Variants in TAFA1 observed in about 807,000 individuals in gnomAD.
TAFA1 encodes chemokine-like protein TAFA-1.
Under a neutral mutation model 18.5 loss-of-function variants are expected in TAFA1, and 4 were observed. That is an observed-to-expected ratio of 0.22 (90% CI 0.11 to 0.49). The LOEUF is 0.49. Among genes scored for constraint, TAFA1 ranks in the 20% least tolerant of loss-of-function variants. The pLI, the probability that TAFA1 is intolerant of heterozygous loss-of-function variation, is 0.98. For missense variants in TAFA1, 147 were observed against 169.0 expected, an observed-to-expected ratio of 0.87 and a Z score of 0.72; for synonymous variants, 56 against 55.2, an observed-to-expected ratio of 1.01 and a Z score of -0.06.
chr3:68,305,212 G>A (rs2068381270), intron 2 of TAFA1, among the ~76,000 whole-genome samples: 1 of 148,320 alleles, frequency 6.7e-6, no homozygotes, highest in Non-Finnish European at 1.5e-5. Context: ...TTGTCACATG[G>A]TGTTTTTCCC....
intron 2 of TAFA1, among the ~76,000 whole-genome samples, chr3:68,162,572 C>T (rs563053592): frequency 6.6e-6 from 1 of 152,276 alleles, no homozygotes; most frequent in South Asian, 2.1e-4. Flanking sequence ...ATTTTTTCTA[C>T]CATAACTGGT....
At chr3:68,326,932 G>T (rs2068785145) in intron 2 of TAFA1, among the ~76,000 whole-genome samples, 1 of 152,174 alleles carries the variant, frequency 6.6e-6, no homozygotes, top group Non-Finnish European at 1.5e-5. Flanking sequence ...AAATGGTTTG[G>T]CTGTGTCCCC....
At chr3:68,533,043 C>T (rs1193834334) in intron 3 of TAFA1, among the ~76,000 whole-genome samples, 7 of 142,174 alleles carry the variant, frequency 4.9e-5, no homozygotes, top group South Asian at 4.5e-4. Flanking sequence ...TCGAGGGCTT[C>T]AGTATTTAAA....
intron 2 of TAFA1, among the ~76,000 whole-genome samples, chr3:68,337,307 A>T (rs1299531071): frequency 1.3e-5 from 2 of 151,888 alleles, no homozygotes; most frequent in African/African-American, 2.4e-5. Context: ...GGGCAGGGGG[A>T]GCGGGGGTGG....
intron 2 of TAFA1, among the ~76,000 whole-genome samples, chr3:68,254,451 A>G (rs1324593649): frequency 6.6e-6 from 1 of 152,074 alleles, no homozygotes; most frequent in African/African-American, 2.4e-5. Context: ...AGACTTTTTT[A>G]AACCTGGAAG....
In TAFA1 at chr3:68,098,184, G is replaced by A. The variant is rs538476700; in HGVS notation, c.118+91440G>A. Among the ~76,000 whole-genome samples, 3 of 152,250 alleles carry A rather than the reference G, an allele frequency of 2.0e-5. No individual in the cohort carries two copies. The East Asian group carries it at 5.8e-4, about 29-fold the overall frequency. Reference sequence around the variant, plus strand: ...GTGTTTTAACAGAATCGTGATGGAAGTCAATAATTGAATGCATCAAATGGG... The same window carrying A: ...GTGTTTTAACAGAATCGTGATGGAAATCAATAATTGAATGCATCAAATGGG... On this transcript the variant is annotated intron_variant, in intron 2 of 4. Transcript: ENST00000478136.
At chr3:68,012,385 C>T (rs1704489596) in intron 2 of TAFA1, among the ~76,000 whole-genome samples, 1 of 152,114 alleles carries the variant, frequency 6.6e-6, no homozygotes. Flanking sequence ...CATAGCACAT[C>T]CACACAATGG....
chr3:68,228,190 G>A (rs2066827434), intron 2 of TAFA1, among the ~76,000 whole-genome samples: 1 of 152,050 alleles, frequency 6.6e-6, no homozygotes, highest in South Asian at 2.1e-4. Flanking sequence ...ACATCCCCTG[G>A]CATATTGTAA....
intron 2 of TAFA1, among the ~76,000 whole-genome samples, chr3:68,336,625 C>T (rs563925242): frequency 6.6e-6 from 1 of 152,206 alleles, no homozygotes; most frequent in Non-Finnish European, 1.5e-5. Context: ...AGGAAAGTTA[C>T]AATTATCATT....
At chr3:68,039,913 A>G (rs1463678975) in intron 2 of TAFA1, among the ~76,000 whole-genome samples, 3 of 152,140 alleles carry the variant, frequency 2.0e-5, no homozygotes, top group Non-Finnish European at 2.9e-5. Context: ...ACTCCAGCAC[A>G]TTGGCTGGGG....
At chr3:68,233,825 G>C (rs1370663488) in intron 2 of TAFA1, among the ~76,000 whole-genome samples, 1 of 151,926 alleles carries the variant, frequency 6.6e-6, no homozygotes, top group Non-Finnish European at 1.5e-5. Context: ...ATGAAGCAAA[G>C]GTTATAGGGC....
chr3:68,255,658 A>T (rs1022885503), intron 2 of TAFA1, among the ~76,000 whole-genome samples: 3 of 151,872 alleles, frequency 2.0e-5, no homozygotes, highest in African/African-American at 7.3e-5. Context: ...TGAGAGTTTT[A>T]TAGGGTTTTT....
intron 2 of TAFA1, among the ~76,000 whole-genome samples, chr3:68,065,362 G>C (rs2064659822): frequency 6.6e-6 from 1 of 152,102 alleles, no homozygotes; most frequent in South Asian, 2.1e-4. Context: ...TGAGGTCTGG[G>C]AGATTTTCTC....
chr3:68,118,460 C>G (rs747987652), intron 2 of TAFA1, among the ~76,000 whole-genome samples: 5 of 152,104 alleles, frequency 3.3e-5, no homozygotes, highest in African/African-American at 1.2e-4. Context: ...TAACAGGTAA[C>G]GGACTGGTAC....
intron 2 of TAFA1, among the ~76,000 whole-genome samples, chr3:68,372,720 A>G (rs1470753917): frequency 2.0e-5 from 3 of 152,206 alleles, no homozygotes; most frequent in Admixed American, 6.5e-5. Flanking sequence ...ACCCACATGC[A>G]AGAAAGTTTG....
At chr3:68,145,446 T>C in intron 2 of TAFA1, 1 of 867,096 alleles carries the variant, frequency 1.2e-6, no homozygotes. Flanking sequence ...GTGAAAGGCT[T>C]ATTAGAACAA....
At chr3:68,042,625 G>A (rs893192018) in intron 2 of TAFA1, among the ~76,000 whole-genome samples, 5 of 152,064 alleles carry the variant, frequency 3.3e-5, no homozygotes, top group African/African-American at 1.2e-4. Context: ...GTCCAGACTG[G>A]GCAACAAAAG....
intron 2 of TAFA1, among the ~76,000 whole-genome samples, chr3:68,228,801 G>A (rs1008142075): frequency 3.9e-5 from 6 of 152,206 alleles, no homozygotes; most frequent in African/African-American, 1.4e-4. Flanking sequence ...CTCATCTGGT[G>A]TTGAACTTGC....
At chr3:68,092,764 C>A (rs893591063) in intron 2 of TAFA1, among the ~76,000 whole-genome samples, 1 of 152,092 alleles carries the variant, frequency 6.6e-6, no homozygotes, top group Non-Finnish European at 1.5e-5. Context: ...ATAGCAATCG[C>A]ACTCCCCAAA....
Sources: gnomAD v4.1 joint callset for allele counts (sites outside exome capture counted in the v4.1 genomes callset) on GRCh38, gnomAD v4.1.1 for gene constraint, MANE v1.5 for transcripts, NCBI Gene and HGNC (gene_info 2026-07-23, HGNC 2026-07-21) for gene names.